Variants in AFG1L observed in about 807,000 individuals in gnomAD.
AFG1L encodes the protein AFG1-like ATPase.
AFG1L carries 53 observed loss-of-function variants against 62.2 expected under a neutral mutation model. The ratio of observed to expected loss-of-function variants is 0.85; its 90% CI spans 0.68 to 1.07. The LOEUF is 1.07. AFG1L is among the 50% of genes least tolerant of loss of function. AFG1L has a pLI of 0.00. For missense variants in AFG1L, 555 were observed against 590.5 expected (o/e 0.94, Z 0.62); for synonymous variants, 228 against 210.3 (o/e 1.08, Z -0.73).
intron 7 of AFG1L, among the ~76,000 whole-genome samples, chr6:108,439,508 A>C (rs1771451204): frequency 6.6e-6 from 1 of 152,176 alleles, no homozygotes. Flanking sequence ...ACCCTATCAC[A>C]AAAGAATACA....
chr6:108,382,345 G>A (rs1181916492), intron 6 of AFG1L, among the ~76,000 whole-genome samples: 2 of 152,064 alleles, frequency 1.3e-5, no homozygotes, highest in Non-Finnish European at 2.9e-5. Flanking sequence ...GCATTAGAAT[G>A]TCAAAATAAT....
intron 7 of AFG1L, among the ~76,000 whole-genome samples, chr6:108,434,861 G>T (rs949024723): frequency 6.6e-6 from 1 of 152,172 alleles, no homozygotes; most frequent in Admixed American, 6.5e-5. Context: ...TCGCTAAGCT[G>T]TCTTTTGCAT....
chr6:108,387,674 G>A (rs997718150), intron 6 of AFG1L: 1 of 152,144 alleles, frequency 6.6e-6, no homozygotes. Flanking sequence ...CAACATTAAG[G>A]AATTGATTAC....
chr6:108,295,115 C>A lies in AFG1L; in HGVS notation c.36C>A (p.Arg12=). The part of the protein sequence containing the change: ...AASWSLLVTL[R]PLAQSPLRGR... Reference sequence around the variant, plus strand: ...CCTGGTCGCTCTTGGTTACCCTGCGCCCCTTAGCACAGAGCCCGCTGAGAG... The same window carrying A: ...CCTGGTCGCTCTTGGTTACCCTGCGACCCTTAGCACAGAGCCCGCTGAGAG... The change falls in exon 1 of 13, where the codon CGC becomes CGA. Residue 12 remains arginine (R), a synonymous_variant. Coordinates refer to ENST00000368977, the MANE Select transcript of AFG1L (RefSeq NM_145315.5). The A allele has an allele frequency of 6.2e-7, 1 of 1,611,530 alleles. No individual in the cohort carries two copies.
At chr6:108,440,223 G>A (rs1248175938) in intron 7 of AFG1L, among the ~76,000 whole-genome samples, 1 of 151,842 alleles carries the variant, frequency 6.6e-6, no homozygotes, top group Non-Finnish European at 1.5e-5. Context: ...CTGTTGCCCA[G>A]GCTGGAGCAG....
In AFG1L at chr6:108,522,698, G is replaced by T; in HGVS notation, c.*273G>T. 4.6e-6 allele frequency: 1 copy of T among 218,640 alleles called. No homozygotes were observed. Among genetic ancestry groups the T allele is most frequent in the Non-Finnish European group, 9.1e-6 (1 of 109,408 alleles). 13.5% of individuals were successfully genotyped at this position (218,640 alleles called of 1,614,324 possible). ...GATGAATGTAGGACCAGACATTTTAGCTTCACATTAAACCACCTGAATGAA... is the reference window on the plus strand; with the variant it reads ...GATGAATGTAGGACCAGACATTTTATCTTCACATTAAACCACCTGAATGAA... On this transcript the variant is annotated 3_prime_UTR_variant, in exon 13 of 13. Transcript: ENST00000368977.
intron 11 of AFG1L, among the ~76,000 whole-genome samples, chr6:108,511,579 GC>G (rs1774654134): frequency 6.6e-6 from 1 of 152,174 alleles, no homozygotes; most frequent in Non-Finnish European, 1.5e-5. Flanking sequence ...GTAAAAGTGA[GC>G]TATTAGTAGA....
chr6:108,343,155 C>A (rs1043901880), intron 2 of AFG1L, among the ~76,000 whole-genome samples: 3 of 151,628 alleles, frequency 2.0e-5, no homozygotes, highest in Non-Finnish European at 2.9e-5. Flanking sequence ...ACCTCTGCCT[C>A]CCTGGTTCAA....
chr6:108,295,692 T>C (rs1776743319), intron 1 of AFG1L: 1 of 153,554 alleles, frequency 6.5e-6, no homozygotes, highest in South Asian at 2.0e-4. Context: ...GATCGATTCT[T>C]GGTGTTCTTT....
chr6:108,485,620 A>ATTTAAATATATATATATATATATATATTT (rs1773507253), intron 10 of AFG1L, among the ~76,000 whole-genome samples: 6 of 75,030 alleles, frequency 8.0e-5, no homozygotes, highest in African/African-American at 3.4e-4. Context: ...AGAAATACGA[A>ATTTAAATATATATATATATATATATATTT]TTTAAATATA....
chr6:108,366,666 C>A (rs1779774010), intron 6 of AFG1L, among the ~76,000 whole-genome samples: 1 of 151,462 alleles, frequency 6.6e-6, no homozygotes, highest in Non-Finnish European at 1.5e-5. Context: ...GAAACTCAAC[C>A]AAATGAAAGA....
chr6:108,415,615 C>T (rs998473351), intron 7 of AFG1L, among the ~76,000 whole-genome samples: 3 of 152,146 alleles, frequency 2.0e-5, no homozygotes, highest in African/African-American at 7.2e-5. Context: ...GGAATAATTC[C>T]ACACATCTGC....
intron 6 of AFG1L, among the ~76,000 whole-genome samples, chr6:108,397,343 G>A (rs1483653812): frequency 6.6e-6 from 1 of 152,212 alleles, no homozygotes; most frequent in Non-Finnish European, 1.5e-5. Context: ...GGCCAGGCTG[G>A]TCTCGAACTC....
At chr6:108,386,484 A>G (rs2114574899) in intron 6 of AFG1L, among the ~76,000 whole-genome samples, 1 of 152,220 alleles carries the variant, frequency 6.6e-6, no homozygotes, top group South Asian at 2.1e-4. Flanking sequence ...AAAAGAAAAG[A>G]AAAGAAAAAT....
chr6:108,438,521 A>C (rs1771407007), intron 7 of AFG1L, among the ~76,000 whole-genome samples: 1 of 152,132 alleles, frequency 6.6e-6, no homozygotes, highest in South Asian at 2.1e-4. Flanking sequence ...AATTTTGGGG[A>C]GATGCAATTA....
intron 8 of AFG1L, among the ~76,000 whole-genome samples, chr6:108,473,957 G>C (rs1230087882): frequency 6.6e-6 from 1 of 152,152 alleles, no homozygotes. Context: ...CATGTTGTTT[G>C]CTGCACCGAT....
intron 8 of AFG1L, among the ~76,000 whole-genome samples, chr6:108,475,421 A>G (rs974211594): frequency 1.2e-4 from 18 of 152,022 alleles, no homozygotes; most frequent in African/African-American, 4.1e-4. Flanking sequence ...TTTTGCTTGT[A>G]TACACCAAAG....
intron 6 of AFG1L, among the ~76,000 whole-genome samples, chr6:108,374,008 T>C (rs1253814052): frequency 6.6e-6 from 1 of 152,214 alleles, no homozygotes; most frequent in African/African-American, 2.4e-5. Context: ...CTGTTATTTT[T>C]TACTTTTTAA....
chr6:108,324,485 T>C (rs1289865624), intron 2 of AFG1L, among the ~76,000 whole-genome samples: 1 of 152,194 alleles, frequency 6.6e-6, no homozygotes, highest in Non-Finnish European at 1.5e-5. Context: ...AGTTAGTTAC[T>C]GGGGCCTTTG....
Sources: allele counts gnomAD v4.1 joint callset (sites outside exome capture counted in the v4.1 genomes callset), GRCh38; gene constraint gnomAD v4.1.1; transcripts MANE v1.5; gene names NCBI Gene and HGNC (gene_info 2026-07-23, HGNC 2026-07-21).